Variants in MCF2 observed in about 807,000 individuals in gnomAD.
MCF2 encodes proto-oncogene DBL.
MCF2 carries 44 observed loss-of-function variants against 82.5 expected under a neutral mutation model. The ratio of observed to expected loss-of-function variants is 0.53; its 90% confidence interval spans 0.42 to 0.69. The LOEUF (loss-of-function observed/expected upper bound fraction) is 0.69, where lower values mean the gene tolerates loss of function less well. Among genes scored for constraint, MCF2 ranks in the 30% least tolerant of loss-of-function variants. MCF2 has a pLI of 0.00. For missense variants in MCF2, 623 were observed against 663.1 expected, an observed-to-expected ratio of 0.94 and a Z score of 0.66; for synonymous variants, 217 against 224.9, an observed-to-expected ratio of 0.96 and a Z score of 0.32.
chrX:139,671,707 G>A (rs1331738067), intron 1 of MCF2, among the ~76,000 whole-genome samples: 2 of 111,642 alleles, frequency 1.8e-5, no homozygotes, highest in Non-Finnish European at 3.8e-5. Flanking sequence ...TGCTGTTTTG[G>A]TTACTGTAGC....
Position 139,585,060 on chromosome X carries a change from A to G in MCF2, c.2745+6T>C. 1 of 1,134,150 alleles carries G rather than the reference A, an allele frequency of 8.8e-7. No individual in the cohort carries two copies. The highest frequency in any genetic ancestry group is 1.2e-6 in the Non-Finnish European group (1 of 832,369). The allele number at this position is 1,134,150 out of a possible 1,213,427, so 93.5% of individuals were successfully genotyped here. A position where few individuals can be genotyped will look rare whatever the true frequency, so the allele number is the denominator to read the frequency against. ...AATAATTTTAATTTACTATATTATT[A>G]CTAACCATGAGGGGCCTATTTTCTT... On this transcript the variant is annotated splice_donor_region_variant and intron_variant, in intron 24 of 24. Transcript: ENST00000370576.
intron 23 of MCF2, 116 bp downstream of exon 27, chrX:139,586,262 G>T: frequency 2.0e-6 from 1 of 507,259 alleles, no homozygotes; most frequent in East Asian, 3.6e-5. Context: ...TATAAAAATG[G>T]GTTAACTGTA....
At chrX:139,677,381 A>T (rs759682658) in intron 1 of MCF2, among the ~76,000 whole-genome samples, 1 of 111,553 alleles carries the variant, frequency 9.0e-6, no homozygotes, top group African/African-American at 3.3e-5. Context: ...ACTTCCTTTC[A>T]TTCCTGCTCT....
intron 6 of MCF2, among the ~76,000 whole-genome samples, chrX:139,623,443 G>A (rs183492826): frequency 2.2e-3 from 251 of 111,610 alleles, no homozygotes; most frequent in African/African-American, 7.4e-3. Flanking sequence ...GATGCAGCTG[G>A]AGGCCATTAT....
chrX:139,626,523 T>C (rs1331082932), intron 5 of MCF2, 100 bp downstream of exon 8: 1 of 845,007 alleles, frequency 1.2e-6, no homozygotes, highest in South Asian at 2.5e-5. Context: ...TTTCCAGAGG[T>C]CCAGGAATAC....
intron 1 of MCF2, among the ~76,000 whole-genome samples, chrX:139,706,889 A>G (rs1016046155): frequency 1.8e-5 from 2 of 108,319 alleles, no homozygotes; most frequent in South Asian, 7.9e-4. Flanking sequence ...TTCAGACATA[A>G]TTATTATTAT....
At chrX:139,633,562 C>T (rs1214440501) in intron 1 of MCF2, among the ~76,000 whole-genome samples, 1 of 110,969 alleles carries the variant, frequency 9.0e-6, no homozygotes, top group Non-Finnish European at 1.9e-5. Flanking sequence ...CCTGAAAAGG[C>T]CCTAGTCAAG....
rs752397033 is a variant in MCF2 at position 139,672,110 on chromosome X, CTGTT to C, written c.-44-20326_-44-20323del. ...GGGAGTTCACTCATGATTTGGCTCTCTGTTTGTTTGTTCTTAGTGTATAGGAATG... is the reference window on the plus strand; with the variant it reads ...GGGAGTTCACTCATGATTTGGCTCTCTGTTTGTTCTTAGTGTATAGGAATG... On this transcript the variant is annotated intron_variant, in intron 1 of 27. Transcript: ENST00000414978. Among the ~76,000 whole-genome samples, 20 of 111,896 alleles carry C rather than the reference CTGTT, an allele frequency of 1.8e-4. No homozygotes were observed. The Admixed American group carries it at 1.8e-3, about 10-fold the overall frequency.
At chrX:139,632,559 C>G in intron 1 of MCF2, 105 bp from the exon 5 acceptor site, 1 of 639,316 alleles carries the variant, frequency 1.6e-6, no homozygotes, top group Non-Finnish European at 2.3e-6. Context: ...ATTTTAAATT[C>G]ATAAAAGCCA....
intron 1 of MCF2, among the ~76,000 whole-genome samples, chrX:139,634,006 C>T (rs1393642299): frequency 9.0e-6 from 1 of 111,231 alleles, no homozygotes; most frequent in African/African-American, 3.3e-5. Context: ...AGATGGGAAA[C>T]ACAAGAGAAA....
At chrX:139,596,518 ATAC>A (rs768727061) in intron 19 of MCF2, 28 bp downstream of exon 23, 1 of 1,107,709 alleles carries the variant, frequency 9.0e-7, no homozygotes, top group South Asian at 1.8e-5. Flanking sequence ...ACACGAAACA[ATAC>A]TACATTACCC....
At chrX:139,614,903 T>A in exon 10 of MCF2, 6 of 1,204,858 alleles carry the variant, frequency 5.0e-6, no homozygotes, top group Non-Finnish European at 6.7e-6. Flanking sequence ...AAAAAAATGG[T>A]GTCCCAGATG....
intron 11 of MCF2, among the ~76,000 whole-genome samples, chrX:139,609,256 T>A (rs770806640): frequency 2.7e-5 from 3 of 112,173 alleles, no homozygotes; most frequent in Non-Finnish European, 3.8e-5. Flanking sequence ...AAATGTGGGG[T>A]CTTGGGGACT....
At chrX:139,598,750 A>T (rs1930297154) in intron 16 of MCF2, among the ~76,000 whole-genome samples, 1 of 112,037 alleles carries the variant, frequency 8.9e-6, no homozygotes, top group Non-Finnish European at 1.9e-5. Flanking sequence ...TCAAATATAA[A>T]TTCATATTGA....
In MCF2 at chrX:139,679,473, T is replaced by C. The variant is rs139710043; in HGVS notation, c.-44-27685A>G. The stretch of plus-strand genomic sequence containing the variant: ...CCACTCTAATCATTCATGAATTTGT[T>C]CTTTCAACAAACCTTTGTTAGGCTC... On this transcript the variant is annotated intron_variant, in intron 1 of 27. Coordinates refer to the MCF2 transcript ENST00000414978. 8.0e-3 allele frequency among the ~76,000 whole-genome samples: 900 copies of C among 111,828 alleles called. 7 individuals carry two copies. Among genetic ancestry groups the C allele is most frequent in the African/African-American group, 0.028 (854 of 30,795 alleles).
chrX:139,620,123 C>T lies in MCF2; in HGVS notation c.688-417G>A, dbSNP rs769195952. On this transcript the variant is annotated intron_variant, in intron 6 of 24. Transcript: ENST00000370576. ...TTCCCCAGCTCTCTGGTGAATTATCCTAAAAGCAAAAGCCCTCCAGAAGTA... is the reference window on the plus strand; with the variant it reads ...TTCCCCAGCTCTCTGGTGAATTATCTTAAAAGCAAAAGCCCTCCAGAAGTA... Among the ~76,000 whole-genome samples, 7 of 106,661 alleles carry T rather than the reference C, an allele frequency of 6.6e-5. No individual in the cohort carries two copies. The South Asian group carries it at 1.7e-3, about 25-fold the overall frequency. The allele number at this position is 106,661 out of a possible 115,157, so 92.6% of individuals were successfully genotyped here.
At chrX:139,657,219 C>T (rs1298904325) in intron 1 of MCF2, among the ~76,000 whole-genome samples, 2 of 112,134 alleles carry the variant, frequency 1.8e-5, no homozygotes, top group African/African-American at 6.5e-5. Context: ...TAATTCATTC[C>T]TACATATGAT....
intron 7 of MCF2, among the ~76,000 whole-genome samples, chrX:139,618,130 A>G (rs541138197): frequency 3.6e-5 from 4 of 110,986 alleles, no homozygotes; most frequent in South Asian, 3.8e-4. Context: ...TACCTGGACT[A>G]CTTCACATAC....
intron 2 of MCF2, among the ~76,000 whole-genome samples, chrX:139,650,607 A>T (rs946513515): frequency 8.9e-6 from 1 of 112,096 alleles, no homozygotes; most frequent in African/African-American, 3.2e-5. Context: ...ATATTTAATG[A>T]TATAATTCAA....
Sources: allele counts gnomAD v4.1 joint callset (sites outside exome capture counted in the v4.1 genomes callset), GRCh38; gene constraint gnomAD v4.1.1; transcripts MANE v1.5; gene names NCBI Gene and HGNC (gene_info 2026-07-23, HGNC 2026-07-21).